KCNQ1: variants seen among roughly 807,000 people sequenced by gnomAD.
KCNQ1 encodes the protein potassium voltage-gated channel subfamily Q member 1.
In KCNQ1, 49 loss-of-function variants were observed where a neutral mutation model predicts 72.4. That is an observed-to-expected ratio of 0.68 (90% CI 0.54 to 0.86). KCNQ1 has a LOEUF of 0.86. Among genes scored for constraint, KCNQ1 ranks in the 40% least tolerant of loss-of-function variants. The pLI is 0.00. For synonymous variants in KCNQ1, 450 were observed against 412.6 expected, an observed-to-expected ratio of 1.09 and a Z score of -1.10; for missense variants, 790 against 945.1, an observed-to-expected ratio of 0.84 and a Z score of 2.15.
Position 2,847,922 on chromosome 11 carries a change from T to C in KCNQ1, c.1950T>C (p.Pro650=). ...GCGGCAGTGGCGGCTCCGTCGACCCTGAGCTCTTCCTGCCCAGCAACACCC... is the reference window on the plus strand; with the variant it reads ...GCGGCAGTGGCGGCTCCGTCGACCCCGAGCTCTTCCTGCCCAGCAACACCC... ...QPCGSGGSVD[P]ELFLPSNTLP... Residue 650 remains proline (P), a synonymous_variant, in exon 16 of 16, where the codon CCT becomes CCC. Transcript: ENST00000155840. 6.3e-7 allele frequency: 1 copy of C among 1,576,250 alleles called. No individual in the cohort carries two copies. Among genetic ancestry groups the C allele is most frequent in the Non-Finnish European group, 8.6e-7 (1 of 1,160,778 alleles).
In KCNQ1 at chr11:2,690,500, G is replaced by C. The variant is rs1252598325; in HGVS notation, c.1514+28419G>C. 1 of 398,498 alleles carries C rather than the reference G, an allele frequency of 2.5e-6. No individual in the cohort carries two copies. The highest frequency in any genetic ancestry group is 4.4e-6 in the Non-Finnish European group (1 of 226,082). The allele number at this position is 398,498 out of a possible 1,614,324, so 24.7% of individuals were successfully genotyped here. A position where few individuals can be genotyped will look rare whatever the true frequency, so the allele number is the denominator to read the frequency against. ...ACAGCCACTGGGCCCAGTCGGGGGG[G>C]TCTCAGCACCTATCACAAAGAAAGT... On this transcript the variant is annotated intron_variant, in intron 11 of 15. Transcript: ENST00000155840. The surrounding 1 kb of genome is among the most constrained non-coding windows in gnomAD (Gnocchi z 5.1).
chr11:2,769,995 G>A lies in KCNQ1; in HGVS notation c.1590+1076G>A, dbSNP rs1218405464. On this transcript the variant is annotated intron_variant, in intron 12 of 15. Coordinates refer to ENST00000155840, the MANE Select transcript of KCNQ1 (RefSeq NM_000218.3). This position sits in a 1 kb window ranked among gnomAD's most constrained non-coding sequence, Gnocchi z 4.6. ...TAGGGTCTGGTCAGGGCTTATGGGG[G>A]CCTTTGTCAAGAGGTCGTTGGGTCG... Among the ~76,000 whole-genome samples the A allele has an allele frequency of 2.0e-5, 3 of 152,136 alleles. No homozygotes were observed. The highest frequency in any genetic ancestry group is 2.9e-5 in the Non-Finnish European group (2 of 68,004).
rs1450993058 is a variant in KCNQ1, at chr11:2,818,055, C to CA, written c.1795-29706dup. Among the ~76,000 whole-genome samples, 2 of 152,158 alleles carry CA rather than the reference C, an allele frequency of 1.3e-5. No individual in the cohort carries two copies. Among genetic ancestry groups the CA allele is most frequent in the Admixed American group, 6.5e-5 (1 of 15,286 alleles). On this transcript the variant is annotated intron_variant, in intron 15 of 15. Coordinates refer to ENST00000155840, the MANE Select transcript of KCNQ1 (RefSeq NM_000218.3). This position sits in a 1 kb window ranked among gnomAD's most constrained non-coding sequence, Gnocchi z 7.2. ...TAACACCTAAAACCCACTATCCTGG[C>CA]AAAAAAGTGGCAGGATTGTCTGAAA...
At position 2,471,529 on chromosome 11, in the gene KCNQ1, A is replaced by C. The variant is rs1342801495; in HGVS notation, c.386+26045A>C. ...TGCTGATGGCCCAGCTCTGGGTCCT[A>C]AGCATGGCAGTATCACAGCCTCACA... On this transcript the variant is annotated intron_variant, in intron 1 of 15. Transcript: ENST00000155840. This position sits in a 1 kb window ranked among gnomAD's most constrained non-coding sequence, Gnocchi z 4.8. 1.3e-5 allele frequency among the ~76,000 whole-genome samples: 2 copies of C among 152,202 alleles called. No individual in the cohort carries two copies. Among genetic ancestry groups the C allele is most frequent in the South Asian group, 4.1e-4 (2 of 4,830 alleles).
chr11:2,788,030 A>G (rs1846945474), intron 15 of KCNQ1, among the ~76,000 whole-genome samples: 2 of 151,948 alleles, frequency 1.3e-5, no homozygotes, highest in South Asian at 2.1e-4. Context: ...CCCAACGTTT[A>G]CCCAGGCCAG....
intron 10 of KCNQ1, chr11:2,619,577 T>G (rs910656170): frequency 5.0e-6 from 2 of 398,436 alleles, no homozygotes; most frequent in Non-Finnish European, 8.8e-6. Context: ...CAATATTTTA[T>G]TAAGGATTTT....
intron 10 of KCNQ1, chr11:2,609,263 G>C: frequency 2.5e-6 from 1 of 398,106 alleles, no homozygotes; most frequent in East Asian, 3.6e-5. Flanking sequence ...CATTTCCCTT[G>C]TGAATTCTTT....
At position 2,658,269 on chromosome 11, in the gene KCNQ1, A is replaced by G; in HGVS notation, c.1394-3692A>G. Reference sequence around the variant, plus strand: ...ACCGTGATGTACTTCTATTTTCCTCATTCCTTCTACATTTTTTATTTGGAA... The same window carrying G: ...ACCGTGATGTACTTCTATTTTCCTCGTTCCTTCTACATTTTTTATTTGGAA... On this transcript the variant is annotated intron_variant, in intron 10 of 15. Coordinates refer to ENST00000155840, the MANE Select transcript of KCNQ1 (RefSeq NM_000218.3). The surrounding 1 kb of genome is among the most constrained non-coding windows in gnomAD (Gnocchi z 4.9). The G allele has an allele frequency of 2.5e-6, 1 of 398,484 alleles. No homozygotes were observed. The highest frequency in any genetic ancestry group is 4.4e-6 in the Non-Finnish European group (1 of 226,030). 24.7% of individuals were successfully genotyped at this position (398,484 alleles called of 1,614,324 possible). A position where few individuals can be genotyped will look rare whatever the true frequency, so the allele number is the denominator to read the frequency against.
In KCNQ1 at chr11:2,624,471, A is replaced by G; in HGVS notation, c.1393+35617A>G. The G allele has an allele frequency of 2.5e-6, 1 of 398,450 alleles. No individual in the cohort carries two copies. The highest frequency in any genetic ancestry group is 3.6e-5 in the East Asian group (1 of 28,042). The allele number at this position is 398,450 out of a possible 1,614,324, so 24.7% of individuals were successfully genotyped here. ...TTTCATGAATCATGCCTTTGGTGTC[A>G]TATCTAAAAAGCCATCACCAAACTA... On this transcript the variant is annotated intron_variant, in intron 10 of 15. Coordinates refer to ENST00000155840, the MANE Select transcript of KCNQ1 (RefSeq NM_000218.3). This position sits in a 1 kb window ranked among gnomAD's most constrained non-coding sequence, Gnocchi z 4.9.
rs1238386677 is a variant in KCNQ1 at position 2,566,151 on chromosome 11, C to T, written c.478-4477C>T. On this transcript the variant is annotated intron_variant, in intron 2 of 15. Transcript: ENST00000155840. The surrounding 1 kb of genome is among the most constrained non-coding windows in gnomAD (Gnocchi z 6.7). The stretch of plus-strand genomic sequence containing the variant: ...GGAGTCTCTCTTGGTTACCCTCTCT[C>T]TCCCAGGGCCACTTTTGCAGCCTGG... Among the ~76,000 whole-genome samples the T allele has an allele frequency of 6.6e-6, 1 of 152,198 alleles. No homozygotes were observed. The highest frequency in any genetic ancestry group is 1.5e-5 in the Non-Finnish European group (1 of 68,032).
At chr11:2,638,115 G>C (rs548111772) in intron 10 of KCNQ1, 8 of 152,224 alleles carry the variant, frequency 5.3e-5, no homozygotes, top group South Asian at 2.1e-4. Context: ...ACACTGATGG[G>C]TCTTGACTCT....
intron 10 of KCNQ1, chr11:2,610,086 C>G: frequency 2.5e-6 from 1 of 397,872 alleles, no homozygotes; most frequent in East Asian, 3.6e-5. Context: ...TCTTGTTCCT[C>G]TATTTCTCCT....
In KCNQ1 at chr11:2,559,792, TGGGAAGGCCTGTGGCTA is replaced by T. The variant is rs1848132193; in HGVS notation, c.478-10832_478-10816del. Reference sequence around the variant, plus strand: ...GAAGGTCAGAGATGGCCGCCAGCTGTGGGAAGGCCTGTGGCTAGGGCTCTGCTGCCTGCTTCCTGGGC... The same window carrying T: ...GAAGGTCAGAGATGGCCGCCAGCTGTGGGCTCTGCTGCCTGCTTCCTGGGC... On this transcript the variant is annotated intron_variant, in intron 2 of 15. Transcript: ENST00000155840. This position sits in a 1 kb window ranked among gnomAD's most constrained non-coding sequence, Gnocchi z 4.9. Among the ~76,000 whole-genome samples, 2 of 151,786 alleles carry T rather than the reference TGGGAAGGCCTGTGGCTA, an allele frequency of 1.3e-5. No individual in the cohort carries two copies. Among genetic ancestry groups the T allele is most frequent in the East Asian group, 3.9e-4 (2 of 5,112 alleles).
chr11:2,592,477 G>A lies in KCNQ1; in HGVS notation c.1393+3623G>A, dbSNP rs775336936. Among the ~76,000 whole-genome samples the A allele has an allele frequency of 1.3e-5, 2 of 152,164 alleles. No individual in the cohort carries two copies. The highest frequency in any genetic ancestry group is 2.4e-5 in the African/African-American group (1 of 41,452). On this transcript the variant is annotated intron_variant, in intron 10 of 15. Transcript: ENST00000155840. The surrounding 1 kb of genome is among the most constrained non-coding windows in gnomAD (Gnocchi z 5.2). ...GCCCTCATCCCACGCAGCAGGGCCC[G>A]CTGCTGCTCCCTCAACCTTCTGACC...
In KCNQ1 at chr11:2,471,905, C is replaced by T. The variant is rs1040139829; in HGVS notation, c.386+26421C>T. Among the ~76,000 whole-genome samples, 4 of 144,068 alleles carry T rather than the reference C, an allele frequency of 2.8e-5. No homozygotes were observed. The highest frequency in any genetic ancestry group is 7.8e-5 in the African/African-American group (3 of 38,258). The allele number at this position is 144,068 out of a possible 152,430, so 94.5% of individuals were successfully genotyped here. ...GCACATGTGTATAGGTGTGTGTATG[C>T]GTGCACCTATGTGTGTATAGGCGTG... On this transcript the variant is annotated intron_variant, in intron 1 of 15. Coordinates refer to ENST00000155840, the MANE Select transcript of KCNQ1 (RefSeq NM_000218.3). The surrounding 1 kb of genome is among the most constrained non-coding windows in gnomAD (Gnocchi z 4.8).
At chr11:2,732,541 A>G (rs1845873084) in intron 11 of KCNQ1, among the ~76,000 whole-genome samples, 1 of 152,140 alleles carries the variant, frequency 6.6e-6, no homozygotes. Flanking sequence ...GCAGCCGGGC[A>G]GTGAGGAGCG....
chr11:2,542,832 C>T (rs1334307901), intron 2 of KCNQ1, among the ~76,000 whole-genome samples: 1 of 152,184 alleles, frequency 6.6e-6, no homozygotes, highest in Non-Finnish European at 1.5e-5. Context: ...GTCTGTTTAT[C>T]CACTTGTGTG....
Position 2,818,285 on chromosome 11 carries a change from C to T in KCNQ1, c.1795-29482C>T, listed in dbSNP as rs115652766. ...CTTGTCACCCACTCCTGTGGGTACACAGCTTCCCTTTCTGCAAAGTCACAC... is the reference window on the plus strand; with the variant it reads ...CTTGTCACCCACTCCTGTGGGTACATAGCTTCCCTTTCTGCAAAGTCACAC... On this transcript the variant is annotated intron_variant, in intron 15 of 15. Coordinates refer to ENST00000155840, the MANE Select transcript of KCNQ1 (RefSeq NM_000218.3). The surrounding 1 kb of genome is among the most constrained non-coding windows in gnomAD (Gnocchi z 7.2). 7.9e-3 allele frequency among the ~76,000 whole-genome samples: 1,201 copies of T among 152,336 alleles called. 16 individuals are homozygous for T. Among genetic ancestry groups the T allele is most frequent in the African/African-American group, 0.027 (1,109 of 41,572 alleles).
chr11:2,818,244 A>G lies in KCNQ1; in HGVS notation c.1795-29523A>G, dbSNP rs1422284358. Among the ~76,000 whole-genome samples the G allele has an allele frequency of 6.6e-6, 1 of 152,124 alleles. No individual in the cohort carries two copies. Among genetic ancestry groups the G allele is most frequent in the Admixed American group, 6.5e-5 (1 of 15,276 alleles). ...TGACCCAAGAGTGTGGGGGTCAGGA[A>G]TGGCGTCCTTGTGCCCTTGTCACCC... is the stretch of plus-strand genomic sequence containing the variant. On this transcript the variant is annotated intron_variant, in intron 15 of 15. Transcript: ENST00000155840. The surrounding 1 kb of genome is among the most constrained non-coding windows in gnomAD (Gnocchi z 7.2).
Sources: allele counts gnomAD v4.1 joint callset (sites outside exome capture counted in the v4.1 genomes callset), GRCh38; gene constraint gnomAD v4.1.1; non-coding constraint Gnocchi (gnomAD v3.1); transcripts MANE v1.5; gene names NCBI Gene and HGNC (gene_info 2026-07-23, HGNC 2026-07-21).